ADGRL2: variants seen among roughly 807,000 people sequenced by gnomAD.
ADGRL2 encodes adhesion G protein-coupled receptor L2.
ADGRL2 carries 44 observed loss-of-function variants against 157.4 expected under a neutral mutation model. The ratio of observed to expected loss-of-function variants is 0.28; its 90% CI spans 0.22 to 0.36. ADGRL2 has a LOEUF of 0.36. Ranked by LOEUF, ADGRL2 falls within the 10% of genes least tolerant of loss-of-function variation. The pLI is 1.00. For missense variants in ADGRL2, 1,510 were observed against 1,768.9 expected, an observed-to-expected ratio of 0.85 and a Z score of 2.63; for synonymous variants, 585 against 624.7, an observed-to-expected ratio of 0.94 and a Z score of 0.95.
intron 2 of ADGRL2, among the ~76,000 whole-genome samples, chr1:81,468,171 A>T (rs945030051): frequency 1.5e-4 from 23 of 152,182 alleles, no homozygotes; most frequent in Admixed American, 5.2e-4. Context: ...TCTAGGGAAG[A>T]TACCAGAGGG....
intron 3 of ADGRL2, among the ~76,000 whole-genome samples, chr1:81,680,255 C>A (rs1570813574): frequency 6.6e-6 from 1 of 152,168 alleles, no homozygotes; most frequent in African/African-American, 2.4e-5. Context: ...TAATGACTTG[C>A]ATTGTAGAAA....
rs527734228 is a variant in ADGRL2, at chr1:81,671,551, C to T, written c.-142-90260C>T. ...TTTTTTAAACAGAGTTTTGCCCCGT[C>T]GCCCAGACTGGAGTGCAGTGGTGCA... On this transcript the variant is annotated intron_variant, in intron 3 of 24. Transcript: ENST00000370721. Among the ~76,000 whole-genome samples the T allele has an allele frequency of 2.6e-5, 4 of 151,702 alleles. No individual in the cohort carries two copies. The South Asian group carries it at 6.2e-4, about 24-fold the overall frequency.
At chr1:81,549,381 A>G (rs2080091349) in intron 2 of ADGRL2, among the ~76,000 whole-genome samples, 1 of 152,206 alleles carries the variant, frequency 6.6e-6, no homozygotes, top group Non-Finnish European at 1.5e-5. Flanking sequence ...ACCACAAAAT[A>G]GTTTTGGAAG....
chr1:81,642,999 C>T (rs2082250008), intron 3 of ADGRL2, among the ~76,000 whole-genome samples: 1 of 152,148 alleles, frequency 6.6e-6, no homozygotes, highest in African/African-American at 2.4e-5. Context: ...AAACTCAAAG[C>T]TTTCTCACCA....
In ADGRL2 at chr1:81,673,037, G is replaced by C. The variant is rs185606175; in HGVS notation, c.-142-88774G>C. Among the ~76,000 whole-genome samples, 7 of 152,302 alleles carry C rather than the reference G, an allele frequency of 4.6e-5. No homozygotes were observed. In the East Asian group the frequency reaches 1.4e-3, roughly 29 times the overall value. ...TACACTGGATTGAAACCTTTAGGAA[G>C]CATTGCTTGCCTCATTTGATCAAGT... On this transcript the variant is annotated intron_variant, in intron 3 of 24. Coordinates refer to the ADGRL2 transcript ENST00000370721.
intron 2 of ADGRL2, among the ~76,000 whole-genome samples, chr1:81,521,970 T>G (rs1460904996): frequency 1.3e-5 from 2 of 151,074 alleles, no homozygotes; most frequent in Non-Finnish European, 3.0e-5. Context: ...ACTTTTTGTT[T>G]TTTTTTTTTT....
intron 3 of ADGRL2, among the ~76,000 whole-genome samples, chr1:81,640,485 A>C (rs2148799627): frequency 6.6e-6 from 1 of 152,104 alleles, no homozygotes; most frequent in South Asian, 2.1e-4. Flanking sequence ...TCAAAAAATT[A>C]GCTGGGCGTG....
intron 1 of ADGRL2, among the ~76,000 whole-genome samples, chr1:81,370,736 C>T (rs1470113157): frequency 6.6e-6 from 1 of 152,114 alleles, no homozygotes; most frequent in Non-Finnish European, 1.5e-5. Flanking sequence ...GAACACACTG[C>T]AGCACTTAAA....
At chr1:81,917,899 G>A (rs2094895609) in intron 3 of ADGRL2, among the ~76,000 whole-genome samples, 1 of 152,162 alleles carries the variant, frequency 6.6e-6, no homozygotes, top group South Asian at 2.1e-4. Context: ...CCCTTCACTT[G>A]CGTGGGTCTC....
chr1:81,390,739 A>T (rs1039242491), intron 1 of ADGRL2, among the ~76,000 whole-genome samples: 3 of 152,300 alleles, frequency 2.0e-5, no homozygotes. Context: ...CTGTATCAGT[A>T]CATATTGATC....
chr1:81,528,913 G>A (rs6664007), intron 2 of ADGRL2, among the ~76,000 whole-genome samples: 137,163 of 152,252 alleles, frequency 0.9, 62,042 homozygotes, highest in East Asian at 1. Flanking sequence ...AAGTGAGGAA[G>A]ATAGCAGATG....
intron 2 of ADGRL2, among the ~76,000 whole-genome samples, chr1:81,560,579 A>G (rs1257312327): frequency 6.6e-6 from 1 of 152,164 alleles, no homozygotes; most frequent in Non-Finnish European, 1.5e-5. Context: ...TTTCTGTTGA[A>G]TAGAACTGAT....
intron 2 of ADGRL2, among the ~76,000 whole-genome samples, chr1:81,879,529 AC>A (rs1257857506): frequency 4.0e-5 from 6 of 151,794 alleles, no homozygotes; most frequent in African/African-American, 1.2e-4. Context: ...AAAAAAAAAA[AC>A]AACTTAAAAT....
At chr1:81,861,757 C>T (rs547243235) in intron 2 of ADGRL2, among the ~76,000 whole-genome samples, 2 of 152,144 alleles carry the variant, frequency 1.3e-5, no homozygotes, top group South Asian at 2.1e-4. Flanking sequence ...GTTGTGGTGG[C>T]GCTTGCCTGT....
intron 2 of ADGRL2, among the ~76,000 whole-genome samples, chr1:81,570,274 G>C (rs76953377): frequency 6.6e-6 from 1 of 152,070 alleles, no homozygotes; most frequent in Non-Finnish European, 1.5e-5. Context: ...AGACAGTCTT[G>C]GTTTTTTTGT....
chr1:81,411,796 C>T (rs941390045), intron 1 of ADGRL2, among the ~76,000 whole-genome samples: 2 of 150,660 alleles, frequency 1.3e-5, no homozygotes, highest in Admixed American at 6.6e-5. Flanking sequence ...AGGAGAATGG[C>T]GTGAACCCGG....
intron 3 of ADGRL2, among the ~76,000 whole-genome samples, chr1:81,604,603 A>T (rs1212395151): frequency 6.6e-6 from 1 of 152,208 alleles, no homozygotes; most frequent in Non-Finnish European, 1.5e-5. Flanking sequence ...ATTTCCTGGG[A>T]TACAAGACTT....
At chr1:81,643,540 C>T (rs1304492461) in intron 3 of ADGRL2, among the ~76,000 whole-genome samples, 1 of 152,124 alleles carries the variant, frequency 6.6e-6, no homozygotes, top group Non-Finnish European at 1.5e-5. Flanking sequence ...AGCCCCCAGA[C>T]TCAAGCAATC....
At chr1:81,315,769 GT>G (rs35552602) in intron 1 of ADGRL2, among the ~76,000 whole-genome samples, 25,429 of 150,636 alleles carry the variant, frequency 0.17, 2,828 homozygotes, top group African/African-American at 0.32. Flanking sequence ...TCGGCAATTA[GT>G]TTTTTTTTTT....
Sources: gnomAD v4.1 joint callset for allele counts (sites outside exome capture counted in the v4.1 genomes callset) on GRCh38, gnomAD v4.1.1 for gene constraint, MANE v1.5 for transcripts, NCBI Gene and HGNC (gene_info 2026-07-23, HGNC 2026-07-21) for gene names.